Variants in ROBO1 observed in about 807,000 individuals in gnomAD.
ROBO1 encodes roundabout guidance receptor 1, also known as roundabout homolog 1.
Under a neutral mutation model 195.9 loss-of-function variants are expected in ROBO1, and 149 were observed. The observed-to-expected ratio is 0.76, with a 90% CI of 0.67 to 0.87. ROBO1 has a LOEUF of 0.87. Among genes scored for constraint, ROBO1 ranks in the 40% least tolerant of loss-of-function variants. The pLI is 0.00. For synonymous variants in ROBO1, 816 were observed against 733.2 expected (o/e 1.11, Z -1.82); for missense variants, 1,933 against 2,068.3 (o/e 0.93, Z 1.27).
chr3:78,902,540 A>G (rs916560590), intron 4 of ROBO1, among the ~76,000 whole-genome samples: 4 of 152,112 alleles, frequency 2.6e-5, no homozygotes, highest in Non-Finnish European at 4.4e-5. Context: ...AAGGCATATT[A>G]ATAAAAAAAA....
At chr3:79,320,751 A>G (rs1241379562) in intron 2 of ROBO1, among the ~76,000 whole-genome samples, 1 of 152,184 alleles carries the variant, frequency 6.6e-6, no homozygotes, top group Non-Finnish European at 1.5e-5. Context: ...ACCTACATTA[A>G]ATTATTAAGG....
At chr3:79,627,453 G>A (rs1382388816) in intron 1 of ROBO1, among the ~76,000 whole-genome samples, 1 of 152,092 alleles carries the variant, frequency 6.6e-6, no homozygotes, top group African/African-American at 2.4e-5. Flanking sequence ...GCCATATGCA[G>A]GAAACTGAAA....
intron 2 of ROBO1, among the ~76,000 whole-genome samples, chr3:79,447,559 AT>A (rs1437559773): frequency 6.6e-6 from 1 of 152,174 alleles, no homozygotes; most frequent in Non-Finnish European, 1.5e-5. Context: ...TATATCTTAG[AT>A]TGTTACATCA....
intron 2 of ROBO1, among the ~76,000 whole-genome samples, chr3:79,576,497 C>T (rs1362580337): frequency 1.3e-5 from 2 of 151,910 alleles, no homozygotes; most frequent in African/African-American, 2.4e-5. Context: ...TTAAACTGTA[C>T]ACCACCAGCA....
chr3:78,970,689 G>A (rs1315037804), intron 3 of ROBO1, among the ~76,000 whole-genome samples: 1 of 152,112 alleles, frequency 6.6e-6, no homozygotes, highest in Non-Finnish European at 1.5e-5. Context: ...AATCTTTGCA[G>A]AGGTAATAAG....
intron 4 of ROBO1, among the ~76,000 whole-genome samples, chr3:78,791,856 G>A (rs2084032657): frequency 6.6e-6 from 1 of 152,182 alleles, no homozygotes. Flanking sequence ...GTTCTCTTGT[G>A]GCTGCTATTT....
At chr3:78,869,491 C>G (rs1253589581) in intron 4 of ROBO1, among the ~76,000 whole-genome samples, 1 of 152,090 alleles carries the variant, frequency 6.6e-6, no homozygotes, top group Admixed American at 6.6e-5. Flanking sequence ...GCTTATTTTA[C>G]CCTGTTGCCA....
intron 14 of ROBO1, among the ~76,000 whole-genome samples, chr3:78,666,134 G>A (rs1203503436): frequency 6.6e-6 from 1 of 152,024 alleles, no homozygotes; most frequent in Admixed American, 6.6e-5. Context: ...CATGTGAACC[G>A]GGACGTGTTT....
At chr3:78,823,062 TTC>T (rs1470391550) in intron 4 of ROBO1, among the ~76,000 whole-genome samples, 2 of 152,228 alleles carry the variant, frequency 1.3e-5, no homozygotes, top group Non-Finnish European at 2.9e-5. Flanking sequence ...AGTCTTTTTA[TTC>T]TAATGGCAAA....
chr3:79,594,319 C>T (rs563004675), intron 1 of ROBO1, among the ~76,000 whole-genome samples: 1 of 152,032 alleles, frequency 6.6e-6, no homozygotes, highest in African/African-American at 2.4e-5. Context: ...AAGCACAACA[C>T]CTTTGAATAC....
chr3:79,019,239 A>C (rs1230961717), intron 3 of ROBO1: 2 of 985,944 alleles, frequency 2.0e-6, no homozygotes, highest in East Asian at 2.3e-4. Flanking sequence ...AGGCACCCCT[A>C]AACTACGCAG....
At chr3:79,736,770 G>C in intron 1 of ROBO1, among the ~76,000 whole-genome samples, 1 of 152,130 alleles carries the variant, frequency 6.6e-6, no homozygotes, top group Non-Finnish European at 1.5e-5. Flanking sequence ...ACTGTCAGGG[G>C]ATTTAAAGTG....
chr3:79,537,230 C>T (rs56769306), intron 2 of ROBO1, among the ~76,000 whole-genome samples: 10 of 151,834 alleles, frequency 6.6e-5, no homozygotes, highest in Non-Finnish European at 1.5e-4. Context: ...ACTCTAGCTT[C>T]TAGGGGAAGA....
intron 3 of ROBO1, among the ~76,000 whole-genome samples, chr3:78,954,710 A>G (rs1428508271): frequency 1.3e-5 from 2 of 150,444 alleles, no homozygotes; most frequent in African/African-American, 5.0e-5. Context: ...TACTGCAATC[A>G]ATGTGAATCT....
chr3:79,112,483 A>T (rs2108536576), intron 3 of ROBO1, among the ~76,000 whole-genome samples: 1 of 152,288 alleles, frequency 6.6e-6, no homozygotes, highest in East Asian at 1.9e-4. Flanking sequence ...AGACAAAGCA[A>T]ACATAGTTTT....
At chr3:79,146,133 C>T (rs899793197) in intron 2 of ROBO1, among the ~76,000 whole-genome samples, 1 of 151,218 alleles carries the variant, frequency 6.6e-6, no homozygotes, top group Non-Finnish European at 1.5e-5. Flanking sequence ...ATTTCAAATA[C>T]CAATAAAAGT....
intron 2 of ROBO1, among the ~76,000 whole-genome samples, chr3:79,530,425 A>C (rs1455437675): frequency 6.6e-6 from 1 of 152,154 alleles, no homozygotes; most frequent in Non-Finnish European, 1.5e-5. Context: ...AGAACTCAAC[A>C]AAGCCAAAAT....
intron 1 of ROBO1, among the ~76,000 whole-genome samples, chr3:79,665,333 T>C (rs1221864914): frequency 1.3e-5 from 2 of 151,916 alleles, no homozygotes; most frequent in African/African-American, 4.8e-5. Flanking sequence ...AATAATTCCT[T>C]CAATATCAGT....
At chr3:79,228,270 T>G (rs2108844388) in intron 2 of ROBO1, among the ~76,000 whole-genome samples, 1 of 152,248 alleles carries the variant, frequency 6.6e-6, no homozygotes, top group Non-Finnish European at 1.5e-5. Context: ...ATTGGATAAT[T>G]TTTGCATGTA....
Sources: allele counts gnomAD v4.1 joint callset (sites outside exome capture counted in the v4.1 genomes callset), GRCh38; gene constraint gnomAD v4.1.1; transcripts MANE v1.5; gene names NCBI Gene and HGNC (gene_info 2026-07-23, HGNC 2026-07-21).